Variants in CA10 observed in about 807,000 individuals in gnomAD.
CA10 encodes carbonic anhydrase-related protein 10.
In CA10, 14 loss-of-function variants were observed where a neutral mutation model predicts 44.2. That is an observed-to-expected ratio of 0.32 (90% confidence interval 0.21 to 0.50). CA10 has a LOEUF of 0.50. Among genes scored for constraint, CA10 ranks in the 20% least tolerant of loss-of-function variants. CA10 has a pLI of 0.99. For synonymous variants in CA10, 159 were observed against 141.6 expected (o/e 1.12, Z -0.87); for missense variants, 350 against 409.7 (o/e 0.85, Z 1.26).
At chr17:52,053,973 C>T (rs1987152199) in intron 2 of CA10, among the ~76,000 whole-genome samples, 1 of 152,114 alleles carries the variant, frequency 6.6e-6, no homozygotes, top group East Asian at 1.9e-4. Context: ...CCTCAGGACC[C>T]TGTGATGATT....
At chr17:51,869,138 G>A (rs754226644) in intron 3 of CA10, among the ~76,000 whole-genome samples, 11 of 151,910 alleles carry the variant, frequency 7.2e-5, no homozygotes, top group Non-Finnish European at 1.6e-4. Context: ...ATAGAAAAAG[G>A]ACTATTTTCA....
At chr17:52,105,129 C>T (rs888870112) in intron 1 of CA10, among the ~76,000 whole-genome samples, 8 of 129,788 alleles carry the variant, frequency 6.2e-5, no homozygotes, top group African/African-American at 2.2e-4. Context: ...ATCACTGGCC[C>T]GGGCTCAGGG....
At chr17:51,919,889 T>G (rs185082154) in intron 3 of CA10, among the ~76,000 whole-genome samples, 1 of 152,080 alleles carries the variant, frequency 6.6e-6, no homozygotes, top group Non-Finnish European at 1.5e-5. Flanking sequence ...CCTGACCCCA[T>G]GATCTGCCTG....
chr17:52,126,537 A>T (rs745718065), intron 1 of CA10, among the ~76,000 whole-genome samples: 1 of 152,160 alleles, frequency 6.6e-6, no homozygotes, highest in Non-Finnish European at 1.5e-5. Context: ...GAAAGCATCA[A>T]TCTCTAGGAT....
intron 3 of CA10, among the ~76,000 whole-genome samples, chr17:51,865,969 T>C (rs1296651272): frequency 6.6e-6 from 1 of 152,190 alleles, no homozygotes; most frequent in South Asian, 2.1e-4. Context: ...AGGGCAGATA[T>C]AAAAATGATG....
intron 2 of CA10, among the ~76,000 whole-genome samples, chr17:52,006,514 C>A (rs1334895416): frequency 6.6e-6 from 1 of 151,790 alleles, no homozygotes; most frequent in Non-Finnish European, 1.5e-5. Flanking sequence ...CACTTTTAAG[C>A]ATTTTTTTCC....
At chr17:51,700,743 G>T (rs908389900) in intron 4 of CA10, among the ~76,000 whole-genome samples, 2 of 152,136 alleles carry the variant, frequency 1.3e-5, no homozygotes, top group Admixed American at 6.5e-5. Context: ...CACGTTCCTG[G>T]GCTGTCGGAA....
intron 4 of CA10, among the ~76,000 whole-genome samples, chr17:51,742,624 C>T (rs1904509452): frequency 6.6e-6 from 1 of 152,176 alleles, no homozygotes; most frequent in Non-Finnish European, 1.5e-5. Flanking sequence ...ATTGTTTTCT[C>T]TTTTCTGATT....
chr17:51,786,520 G>A (rs1906291121), intron 3 of CA10, among the ~76,000 whole-genome samples: 1 of 152,148 alleles, frequency 6.6e-6, no homozygotes, highest in South Asian at 2.1e-4. Context: ...CCACTGCACT[G>A]CAGCCTGCGT....
At chr17:51,698,313 G>T (rs929249129) in intron 4 of CA10, among the ~76,000 whole-genome samples, 3 of 152,200 alleles carry the variant, frequency 2.0e-5, no homozygotes, top group African/African-American at 7.2e-5. Context: ...GCCTTTCAAG[G>T]TCACTGGACG....
At chr17:52,046,372 G>A (rs920845000) in intron 2 of CA10, among the ~76,000 whole-genome samples, 8 of 151,128 alleles carry the variant, frequency 5.3e-5, no homozygotes, top group Non-Finnish European at 1.0e-4. Flanking sequence ...ACAGTACAAA[G>A]GGAAGGAAGG....
chr17:52,131,965 A>C (rs1425019201), intron 1 of CA10, among the ~76,000 whole-genome samples: 1 of 151,866 alleles, frequency 6.6e-6, no homozygotes, highest in Non-Finnish European at 1.5e-5. Context: ...AAAAATGAGA[A>C]CACATGGACA....
At chr17:51,664,891 T>A (rs1044906879) in intron 4 of CA10, among the ~76,000 whole-genome samples, 4 of 152,312 alleles carry the variant, frequency 2.6e-5, no homozygotes, top group Non-Finnish European at 4.4e-5. Flanking sequence ...GCAATGACTC[T>A]CAGTACCTGC....
chr17:51,842,004 TTCACTGG>T (rs1424742464), intron 3 of CA10, among the ~76,000 whole-genome samples: 1 of 152,194 alleles, frequency 6.6e-6, no homozygotes, highest in African/African-American at 2.4e-5. Flanking sequence ...ACTTTCTCAT[TTCACTGG>T]TCTGAACAAG....
intron 2 of CA10, among the ~76,000 whole-genome samples, chr17:51,992,484 G>C (rs1904753190): frequency 6.6e-6 from 1 of 152,144 alleles, no homozygotes; most frequent in African/African-American, 2.4e-5. Flanking sequence ...CACAAAACTT[G>C]TAAAGTAAAT....
intron 4 of CA10, among the ~76,000 whole-genome samples, chr17:51,671,359 C>T (rs1351428295): frequency 6.6e-6 from 1 of 151,998 alleles, no homozygotes; most frequent in African/African-American, 2.4e-5. Context: ...TTTTTGATGC[C>T]CCCTGAACAT....
intron 4 of CA10, among the ~76,000 whole-genome samples, chr17:51,667,581 A>G (rs1210934365): frequency 1.3e-5 from 2 of 151,972 alleles, no homozygotes; most frequent in Admixed American, 6.6e-5. Context: ...AAAAAAAAAA[A>G]ATGACCTTGG....
At chr17:52,018,500 C>T (rs1305876155) in intron 2 of CA10, among the ~76,000 whole-genome samples, 3 of 152,132 alleles carry the variant, frequency 2.0e-5, no homozygotes, top group Non-Finnish European at 4.4e-5. Context: ...GTGTTTCAGA[C>T]TTGCATGGGG....
At chr17:51,746,611 C>T (rs1436438480) in intron 4 of CA10, among the ~76,000 whole-genome samples, 1 of 152,216 alleles carries the variant, frequency 6.6e-6, no homozygotes, top group Non-Finnish European at 1.5e-5. Context: ...ACTTTAATGA[C>T]TTGAATGTAG....
Sources: allele counts gnomAD v4.1 joint callset (sites outside exome capture counted in the v4.1 genomes callset), GRCh38; gene constraint gnomAD v4.1.1; transcripts MANE v1.5; gene names NCBI Gene and HGNC (gene_info 2026-07-23, HGNC 2026-07-21).